Variants in SRPRA observed in about 807,000 individuals in gnomAD.
The protein encoded by SRPRA is signal recognition particle receptor subunit alpha.
A neutral mutation model predicts 61.1 loss-of-function variants in SRPRA; 30 were observed. The observed-to-expected ratio is 0.49, with a 90% confidence interval of 0.37 to 0.67. The LOEUF (loss-of-function observed/expected upper bound fraction) is 0.67, where lower values mean the gene tolerates loss of function less well. Among genes scored for constraint, SRPRA ranks in the 30% least tolerant of loss-of-function variants. The probability of loss-of-function intolerance (pLI) is 0.00; values close to 1 mark genes in which losing one functional copy is unlikely to be tolerated. For synonymous variants in SRPRA, 324 were observed against 299.7 expected (o/e 1.08, Z -0.84); for missense variants, 759 against 828.4 (o/e 0.92, Z 1.03).
chr11:126,266,164 A>G (rs564584466), intron 7 of SRPRA, 23 bp downstream of exon 7: 24 of 1,613,556 alleles, frequency 1.5e-5, no homozygotes, highest in Non-Finnish European at 1.9e-5. Flanking sequence ...GCATATACCA[A>G]CCCCCACCTG....
At chr11:126,261,525 G>GA, downstream of SRPRA, 1 of 1,543,808 alleles carries the variant, frequency 6.5e-7, no homozygotes, top group South Asian at 1.1e-5. Flanking sequence ...CTCTGTAGCA[G>GA]AAAGTCTTTC....
rs1408078799 is a variant in SRPRA at position 126,263,182 on chromosome 11, A to G, written c.*734T>C. On this transcript the variant is annotated 3_prime_UTR_variant, in exon 14 of 14. Transcript: ENST00000332118. ...GGGGTCATCATACATCCTTCTGACA[A>G]TTGGTTTCCTCCCAGGAAGGGGAAC... 2 of 152,404 alleles carry G rather than the reference A, an allele frequency of 1.3e-5. No homozygotes were observed. Among genetic ancestry groups the G allele is most frequent in the Non-Finnish European group, 2.9e-5 (2 of 68,062 alleles). The allele number at this position is 152,404 out of a possible 1,614,324, so 9.4% of individuals were successfully genotyped here. A position where few individuals can be genotyped will look rare whatever the true frequency, so the allele number is the denominator to read the frequency against.
At position 126,265,320 on chromosome 11, in the gene SRPRA, A is replaced by G. The variant is rs1207776142; in HGVS notation, c.1259T>C (p.Val420Ala). Residue 420 changes from valine to alanine, a missense_variant, in exon 10 of 14, where the codon GTC becomes GCC. Val to Ala is a moderately conservative substitution (Grantham distance 64). Transcript: ENST00000332118. The surrounding 1 kb of genome is among the most constrained non-coding windows in gnomAD (Gnocchi z 6.3). ...TCCATTAACGCCGCAGAAGGTGACG[A>G]CATAAGGGCGCTGGCGACGCTGGGC... ...MDAQRRQRPY[V>A]VTFCGVNGVG... 1 of 1,613,578 alleles carries G rather than the reference A, an allele frequency of 6.2e-7. No homozygotes were observed. Among genetic ancestry groups the G allele is most frequent in the Non-Finnish European group, 8.5e-7 (1 of 1,179,898 alleles).
At chr11:126,244,098 A>G in the SRPRA span, among the ~76,000 whole-genome samples, 2 of 152,192 alleles carry the variant, frequency 1.3e-5, no homozygotes, top group South Asian at 4.1e-4. The surrounding 1 kb of genome is among the most constrained non-coding windows in gnomAD (Gnocchi z 4.5). Context: ...TAACTACCTC[A>G]ACACGATAAA....
chr11:126,268,168 AAG>A, intron 1 of SRPRA, 82 bp from the exon 2 acceptor site: 1 of 1,253,744 alleles, frequency 8.0e-7, no homozygotes, highest in Non-Finnish European at 1.2e-6. Flanking sequence ...ACCTTTGGGA[AAG>A]AGCCAAACAT....
At chr11:126,255,181 C>T in the SRPRA span, among the ~76,000 whole-genome samples, 3 of 152,184 alleles carry the variant, frequency 2.0e-5, no homozygotes, top group African/African-American at 7.2e-5. The surrounding 1 kb of genome is among the most constrained non-coding windows in gnomAD (Gnocchi z 4.6). Context: ...CACACTTACT[C>T]TTTGTGAAAA....
Position 126,265,571 on chromosome 11 carries a change from G to T in SRPRA, c.1139-131C>A. On this transcript the variant is annotated intron_variant, in intron 9 of 13. Transcript: ENST00000332118. This position sits in a 1 kb window ranked among gnomAD's most constrained non-coding sequence, Gnocchi z 6.3. ...CTTGTCCCAGAAATCCAGAACAGAC[G>T]CACATTACAAGGACTAACTCACTGA... 2.4e-6 allele frequency: 3 copies of T among 1,226,206 alleles called. No homozygotes were observed. Among genetic ancestry groups the T allele is most frequent in the East Asian group, 2.5e-5 (1 of 39,984 alleles). 76.0% of individuals were successfully genotyped at this position (1,226,206 alleles called of 1,614,324 possible). A position where few individuals can be genotyped will look rare whatever the true frequency, so the allele number is the denominator to read the frequency against.
the SRPRA span, chr11:126,256,526 G>A: frequency 1.3e-6 from 2 of 1,589,896 alleles, no homozygotes; most frequent in Non-Finnish European, 1.7e-6. This position sits in a 1 kb window ranked among gnomAD's most constrained non-coding sequence, Gnocchi z 6.6. Flanking sequence ...TGCCTTGAGT[G>A]TGTCTTCACA....
Position 126,264,561 on chromosome 11 carries a change from C to A in SRPRA, c.1526-22G>T. The A allele has an allele frequency of 6.2e-7, 1 of 1,610,712 alleles. No homozygotes were observed. Among genetic ancestry groups the A allele is most frequent in the Non-Finnish European group, 8.5e-7 (1 of 1,179,310 alleles). The stretch of plus-strand genomic sequence containing the variant: ...CGTGCTAGAGAAAGAAAGTAGTCAA[C>A]TCTGAACACCTGGACTACCACTCAT... On this transcript the variant is annotated intron_variant, in intron 11 of 13. Transcript: ENST00000332118. The surrounding 1 kb of genome is among the most constrained non-coding windows in gnomAD (Gnocchi z 5.0).
At chr11:126,245,755 G>T in the SRPRA span, among the ~76,000 whole-genome samples, 1 of 152,076 alleles carries the variant, frequency 6.6e-6, no homozygotes, top group Non-Finnish European at 1.5e-5. Flanking sequence ...CCAGCAATTT[G>T]GGTGGCCAAG....
chr11:126,265,268 C>G lies in SRPRA; in HGVS notation c.1311G>C (p.Lys437Asn). 1 of 1,614,028 alleles carries G rather than the reference C, an allele frequency of 6.2e-7. No homozygotes were observed. The highest frequency in any genetic ancestry group is 8.5e-7 in the Non-Finnish European group (1 of 1,179,918). ...CGATAGGCTGGGGAACTGCACTGAC[C>G]TTGGCAAGATTAGTAGATTTCCCCA... ...NGVGKSTNLAKISFWLLENGF... is the reference protein window; with the variant it reads ...NGVGKSTNLANISFWLLENGF... The change falls in exon 10 of 14, where the codon AAG (lysine) becomes AAC (asparagine). Residue 437 changes from lysine to asparagine, a missense_variant and splice_region_variant. This residue lies in a region of SRPRA where 284 missense variants were observed against 365.9 expected (regional missense o/e 0.78). Coordinates refer to ENST00000332118, the MANE Select transcript of SRPRA (RefSeq NM_003139.4). The surrounding 1 kb of genome is among the most constrained non-coding windows in gnomAD (Gnocchi z 6.3).
chr11:126,253,233 A>C, the SRPRA span, among the ~76,000 whole-genome samples: 1 of 152,174 alleles, frequency 6.6e-6, no homozygotes, highest in African/African-American at 2.4e-5. This position sits in a 1 kb window ranked among gnomAD's most constrained non-coding sequence, Gnocchi z 5.1. Flanking sequence ...TTGTATTTTC[A>C]GCCCACATTA....
At chr11:126,247,121 T>A in the SRPRA span, among the ~76,000 whole-genome samples, 1 of 152,156 alleles carries the variant, frequency 6.6e-6, no homozygotes, top group African/African-American at 2.4e-5. Flanking sequence ...AGTGAGACCC[T>A]GTCTGTACGA....
chr11:126,262,836 C>T (rs1950729744), downstream of SRPRA: 3 of 152,760 alleles, frequency 2.0e-5, no homozygotes, highest in Non-Finnish European at 4.4e-5. Context: ...AACTTCTGCT[C>T]TGTTGTCCTG....
chr11:126,261,255 T>G, downstream of SRPRA: 2 of 597,162 alleles, frequency 3.3e-6, no homozygotes, highest in Admixed American at 2.9e-5. Flanking sequence ...GTCTAAAGAC[T>G]ACTCCAGTTT....
In SRPRA at chr11:126,263,864, GGAA is replaced by G; in HGVS notation, c.*49_*51del. On this transcript the variant is annotated 3_prime_UTR_variant, in exon 14 of 14. Coordinates refer to ENST00000332118, the MANE Select transcript of SRPRA (RefSeq NM_003139.4). The stretch of plus-strand genomic sequence containing the variant: ...TACTCTAAAGCACATTCTTGATACA[GGAA>G]GAAGGGCTTGTGGGGAAAGCGGCGA... 2 of 1,606,316 alleles carry G rather than the reference GGAA, an allele frequency of 1.2e-6. No homozygotes were observed. Among genetic ancestry groups the G allele is most frequent in the Admixed American group, 1.7e-5 (1 of 59,242 alleles).
chr11:126,261,427 G>C, downstream of SRPRA: 4 of 1,613,848 alleles, frequency 2.5e-6, no homozygotes, highest in East Asian at 6.7e-5. Context: ...CTATTTAGCA[G>C]GGATGGTGAG....
the SRPRA span, among the ~76,000 whole-genome samples, chr11:126,236,586 G>A: frequency 0.11 from 16,424 of 152,066 alleles, 1,154 homozygotes; most frequent in Non-Finnish European, 0.15. Flanking sequence ...TCTAGACACC[G>A]GGCAGCTCTT....
At chr11:126,246,863 TC>T in the SRPRA span, among the ~76,000 whole-genome samples, 1 of 152,182 alleles carries the variant, frequency 6.6e-6, no homozygotes, top group African/African-American at 2.4e-5. Flanking sequence ...CTACTGAGCC[TC>T]CCTGTTTATG....
Sources: allele counts gnomAD v4.1 joint callset (sites outside exome capture counted in the v4.1 genomes callset), GRCh38; gene constraint gnomAD v4.1.1; regional missense constraint gnomAD v4.1.1; non-coding constraint Gnocchi (gnomAD v3.1); transcripts MANE v1.5; gene names NCBI Gene and HGNC (gene_info 2026-07-23, HGNC 2026-07-21).